Variants in TIAM1 observed in about 807,000 individuals in gnomAD.
The protein encoded by TIAM1 is TIAM Rac1 associated GEF 1.
TIAM1 carries 65 observed loss-of-function variants against 163.5 expected under a neutral mutation model. The ratio of observed to expected loss-of-function variants is 0.40; its 90% CI spans 0.33 to 0.49. The LOEUF is 0.49. Ranked by LOEUF, TIAM1 falls within the 20% of genes least tolerant of loss-of-function variation. The pLI is 0.77. For synonymous variants in TIAM1, 833 were observed against 810.1 expected, an observed-to-expected ratio of 1.03 and a Z score of -0.48; for missense variants, 1,789 against 2,044.7, an observed-to-expected ratio of 0.87 and a Z score of 2.41.
intron 1 of TIAM1, among the ~76,000 whole-genome samples, chr21:31,512,516 C>G (rs2047242602): frequency 6.6e-6 from 1 of 152,090 alleles, no homozygotes; most frequent in African/African-American, 2.4e-5. Context: ...TTCATTTTTT[C>G]AGAATATTTA....
At chr21:31,336,975 G>T (rs946159926) in intron 2 of TIAM1, among the ~76,000 whole-genome samples, 1 of 152,148 alleles carries the variant, frequency 6.6e-6, no homozygotes, top group African/African-American at 2.4e-5. Context: ...TAGCCATGCT[G>T]GGGCAAGTAT....
intron 2 of TIAM1, among the ~76,000 whole-genome samples, chr21:31,446,208 T>C (rs2044617638): frequency 1.0e-5 from 1 of 100,130 alleles, no homozygotes; most frequent in South Asian, 4.1e-4. Flanking sequence ...CCCAAAGTTC[T>C]GGGATTACAG....
At chr21:31,234,236 AG>A (rs1218821617) in intron 6 of TIAM1, among the ~76,000 whole-genome samples, 1 of 151,516 alleles carries the variant, frequency 6.6e-6, no homozygotes, top group East Asian at 2.0e-4. Context: ...TGGAGATGCA[AG>A]GGAATCTAAA....
chr21:31,210,592 AAG>A lies in TIAM1; in HGVS notation c.2218-379_2218-378del, dbSNP rs368451168. ...AAAGAAAGAAAGAAAGAAAGAAAGAAAGAGAGAAAGAAGGAAGGAAGGGAGAA... is the reference window on the plus strand; with the variant it reads ...AAAGAAAGAAAGAAAGAAAGAAAGAAAGAGAAAGAAGGAAGGAAGGGAGAA... On this transcript the variant is annotated intron_variant, in intron 10 of 27. Coordinates refer to ENST00000541036, the MANE Select transcript of TIAM1 (RefSeq NM_001353694.2). 3.1e-3 allele frequency among the ~76,000 whole-genome samples: 278 copies of A among 88,668 alleles called. 2 individuals carry two copies. Among genetic ancestry groups the A allele is most frequent in the African/African-American group, 0.016 (253 of 15,902 alleles). The allele number at this position is 88,668 out of a possible 152,430, so 58.2% of individuals were successfully genotyped here.
At chr21:31,161,067 GTGTGTGTGTGTT>G (rs2083898211) in intron 16 of TIAM1, among the ~76,000 whole-genome samples, 1 of 146,582 alleles carries the variant, frequency 6.8e-6, no homozygotes, top group African/African-American at 2.7e-5. Flanking sequence ...GTGTGTGTGT[GTGTGTGTGTGTT>G]TAACAGTTGA....
intron 2 of TIAM1, among the ~76,000 whole-genome samples, chr21:31,333,334 T>C (rs1003552571): frequency 2.6e-5 from 4 of 152,238 alleles, no homozygotes; most frequent in African/African-American, 9.6e-5. Flanking sequence ...GAAGATTAAA[T>C]GTCCTGACTC....
chr21:31,269,542 G>A (rs1699597147), intron 3 of TIAM1, among the ~76,000 whole-genome samples: 1 of 152,158 alleles, frequency 6.6e-6, no homozygotes, highest in Admixed American at 6.5e-5. Context: ...ATCAGCGGAG[G>A]ACTCTGAAAT....
intron 1 of TIAM1, among the ~76,000 whole-genome samples, chr21:31,504,145 T>C (rs1375981310): frequency 6.6e-6 from 1 of 152,224 alleles, no homozygotes; most frequent in African/African-American, 2.4e-5. Context: ...AGGGCTGGCA[T>C]GCTGTCTGTC....
At chr21:31,483,700 C>T (rs1278666641) in intron 1 of TIAM1, among the ~76,000 whole-genome samples, 1 of 152,070 alleles carries the variant, frequency 6.6e-6, no homozygotes, top group Non-Finnish European at 1.5e-5. Context: ...GCAAGAGGCA[C>T]TGCTTCATGA....
At chr21:31,291,618 G>A (rs2074023903) in intron 2 of TIAM1, among the ~76,000 whole-genome samples, 1 of 152,226 alleles carries the variant, frequency 6.6e-6, no homozygotes, top group Non-Finnish European at 1.5e-5. Context: ...CCACTCCCAG[G>A]TTCAAGTGAT....
chr21:31,181,253 C>A (rs2084996867), intron 15 of TIAM1, among the ~76,000 whole-genome samples: 1 of 152,100 alleles, frequency 6.6e-6, no homozygotes, highest in African/African-American at 2.4e-5. Context: ...ATGTAAAGAG[C>A]CGGGAAGACA....
At chr21:31,175,621 C>T (rs1044567666) in intron 15 of TIAM1, among the ~76,000 whole-genome samples, 2 of 151,592 alleles carry the variant, frequency 1.3e-5, no homozygotes, top group African/African-American at 4.8e-5. Flanking sequence ...TTTTTTGAGA[C>T]GGAGTCTCCC....
At chr21:31,302,407 G>C (rs2074540768) in intron 2 of TIAM1, among the ~76,000 whole-genome samples, 1 of 152,118 alleles carries the variant, frequency 6.6e-6, no homozygotes, top group African/African-American at 2.4e-5. Flanking sequence ...TCCAACGCAA[G>C]AGCAACACAT....
intron 4 of TIAM1, among the ~76,000 whole-genome samples, chr21:31,265,678 T>C (rs2072718332): frequency 6.6e-6 from 1 of 152,218 alleles, no homozygotes. Flanking sequence ...AAGGACCAAG[T>C]TAGAAAGGAA....
In TIAM1 at chr21:31,141,260, T is replaced by G. The variant is rs1210691248; in HGVS notation, c.3656-24A>C. On this transcript the variant is annotated intron_variant, in intron 21 of 27. Transcript: ENST00000541036. The surrounding 1 kb of genome is among the most constrained non-coding windows in gnomAD (Gnocchi z 4.7). ...CACTGGAAGAAAACAGGTTGTGAAA[T>G]GAGAGGCTATTTAGAGACCCTCATG... 7.4e-6 allele frequency: 12 copies of G among 1,613,826 alleles called. No individual in the cohort carries two copies. The highest frequency in any genetic ancestry group is 1.0e-5 in the Non-Finnish European group (12 of 1,179,924).
chr21:31,181,756 C>CTT (rs781153297), intron 15 of TIAM1, among the ~76,000 whole-genome samples: 22 of 41,342 alleles, frequency 5.3e-4, no homozygotes, highest in Admixed American at 1.0e-3. Context: ...TCTTCTTCTT[C>CTT]TTTTTTTTTT....
At chr21:31,223,699 C>T (rs1485679614) in intron 7 of TIAM1, 108 bp from the exon 8 acceptor site, 1 of 1,166,562 alleles carries the variant, frequency 8.6e-7, no homozygotes, top group Non-Finnish European at 1.1e-6. Context: ...CATTATAATC[C>T]TAAGGAATAA....
intron 22 of TIAM1, among the ~76,000 whole-genome samples, chr21:31,137,940 T>G (rs1480351554): frequency 6.6e-6 from 1 of 151,006 alleles, no homozygotes; most frequent in Admixed American, 6.6e-5. Flanking sequence ...GTTACACAAC[T>G]GAAAATGGGC....
intron 2 of TIAM1, among the ~76,000 whole-genome samples, chr21:31,359,713 C>T (rs1308913301): frequency 5.9e-5 from 9 of 151,552 alleles, no homozygotes; most frequent in Middle Eastern, 3.4e-3. Flanking sequence ...TGCTTGAACC[C>T]GGGAGGCAGA....
Sources: allele counts gnomAD v4.1 joint callset (sites outside exome capture counted in the v4.1 genomes callset), GRCh38; gene constraint gnomAD v4.1.1; non-coding constraint Gnocchi (gnomAD v3.1); transcripts MANE v1.5; gene names NCBI Gene and HGNC (gene_info 2026-07-23, HGNC 2026-07-21).